Variants in CCDC18 observed in about 807,000 individuals in gnomAD.
CCDC18 encodes the protein coiled-coil domain-containing protein 18.
In CCDC18, 157 loss-of-function variants were observed where a neutral mutation model predicts 196.0. The ratio of observed to expected loss-of-function variants is 0.80; its 90% CI spans 0.70 to 0.91. The LOEUF (loss-of-function observed/expected upper bound fraction) is 0.91, where lower values mean the gene tolerates loss of function less well. CCDC18 is among the 40% of genes least tolerant of loss of function. The pLI is 0.00. For missense variants in CCDC18, 1,465 were observed against 1,611.6 expected, an observed-to-expected ratio of 0.91 and a Z score of 1.56; for synonymous variants, 482 against 529.2, an observed-to-expected ratio of 0.91 and a Z score of 1.22.
intron 6 of CCDC18, among the ~76,000 whole-genome samples, chr1:93,196,650 CA>C (rs1382091762): frequency 2.0e-5 from 3 of 152,094 alleles, no homozygotes; most frequent in African/African-American, 7.2e-5. Context: ...TGTTAAGTAA[CA>C]AAAAATTAAG....
chr1:93,265,084 G>A (rs528787131), intron 27 of CCDC18, 183 bp downstream of exon 27: 97 of 519,140 alleles, frequency 1.9e-4, no homozygotes, highest in South Asian at 1.5e-3. Flanking sequence ...TCTTATTACC[G>A]TAGAAGATAT....
intron 6 of CCDC18, among the ~76,000 whole-genome samples, chr1:93,199,546 T>G (rs1403134051): frequency 1.3e-5 from 2 of 152,210 alleles, no homozygotes; most frequent in East Asian, 3.8e-4. Context: ...TCTTCTCTCC[T>G]TCTCTTGTCT....
rs1488905280 is a variant in CCDC18, at chr1:93,227,965, A to ATATATATATATAT, written c.2292+1516_2292+1517insTATATATATATAT. Among the ~76,000 whole-genome samples the ATATATATATATAT allele has an allele frequency of 7.8e-5, 9 of 115,342 alleles. No homozygotes were observed. The East Asian group carries it at 2.1e-3, about 27-fold the overall frequency. The allele number at this position is 115,342 out of a possible 152,430, so 75.7% of individuals were successfully genotyped here. ...ACAGCGAGACCCTATCTCAAAAAAA[A>ATATATATATATAT]AAAAAAATATATATATATATATATT... On this transcript the variant is annotated intron_variant, in intron 17 of 28. Transcript: ENST00000690025.
upstream of CCDC18, chr1:93,180,085 GGCATGGGCTGGTAGAA>G: frequency 6.2e-7 from 1 of 1,613,632 alleles, no homozygotes; most frequent in Non-Finnish European, 8.5e-7. Flanking sequence ...GGCCTTCAGG[GGCATGGGCTGGTAGAA>G]GCACTCCTTC....
At chr1:93,267,631 T>A (rs1425014383) in intron 27 of CCDC18, among the ~76,000 whole-genome samples, 1 of 152,164 alleles carries the variant, frequency 6.6e-6, no homozygotes, top group Non-Finnish European at 1.5e-5. Context: ...ACAAGCATTC[T>A]TATACACCAA....
chr1:93,225,537 G>T (rs953149474), intron 16 of CCDC18, among the ~76,000 whole-genome samples: 2 of 152,126 alleles, frequency 1.3e-5, no homozygotes, highest in African/African-American at 4.8e-5. Flanking sequence ...AGCACTTTGG[G>T]AGGCCAAGGC....
At position 93,256,222 on chromosome 1, in the gene CCDC18, T is replaced by C. The variant is rs1264508077; in HGVS notation, c.3343-113T>C. ...GTTAAATTTTAACATACTCATTGTA[T>C]GTTAAAGGATTTAGTTGGAAGGTGG... On this transcript the variant is annotated intron_variant, in intron 24 of 28. Transcript: ENST00000690025. The C allele has an allele frequency of 9.7e-6, 8 of 825,546 alleles. No individual in the cohort carries two copies. The East Asian group carries it at 2.1e-4, about 22-fold the overall frequency. 51.1% of individuals were successfully genotyped at this position (825,546 alleles called of 1,614,324 possible). A position where few individuals can be genotyped will look rare whatever the true frequency, so the allele number is the denominator to read the frequency against.
chr1:93,223,298 C>T (rs1161473359), intron 16 of CCDC18, among the ~76,000 whole-genome samples: 1 of 152,100 alleles, frequency 6.6e-6, no homozygotes, highest in Non-Finnish European at 1.5e-5. Context: ...ACATCTTTAG[C>T]AGGTTTGCTG....
intron 28 of CCDC18, among the ~76,000 whole-genome samples, chr1:93,276,798 C>T (rs1665647001): frequency 6.6e-6 from 1 of 151,626 alleles, no homozygotes. Flanking sequence ...GGTGGGTTGC[C>T]CCTACACACC....
chr1:93,208,594 C>G (rs1425517264), intron 9 of CCDC18, among the ~76,000 whole-genome samples: 1 of 151,606 alleles, frequency 6.6e-6, no homozygotes, highest in Non-Finnish European at 1.5e-5. Flanking sequence ...CATGCCTGGC[C>G]CTAATTTACA....
chr1:93,186,215 C>G lies in CCDC18; in HGVS notation c.304-130C>G, dbSNP rs778532145. ...TTCCACATATCCTTGTCAATACTCA[C>G]TAAGTATTTTAACTCATTTTCTGAG... On this transcript the variant is annotated intron_variant, in intron 3 of 28. Coordinates refer to ENST00000690025, the MANE Select transcript of CCDC18 (RefSeq NM_001378204.1). 17 of 777,222 alleles carry G rather than the reference C, an allele frequency of 2.2e-5. 1 individual carries two copies. The highest frequency in any genetic ancestry group is 8.2e-5 in the South Asian group (5 of 61,172). The allele number at this position is 777,222 out of a possible 1,614,324, so 48.1% of individuals were successfully genotyped here.
intron 17 of CCDC18, among the ~76,000 whole-genome samples, chr1:93,229,700 G>A (rs1352129453): frequency 4.6e-5 from 7 of 152,050 alleles, no homozygotes; most frequent in Admixed American, 2.0e-4. Flanking sequence ...ATTCTTTTCC[G>A]GATGTTGAAA....
intron 4 of CCDC18, 39 bp from the exon 5 acceptor site, chr1:93,191,960 AT>A (rs1405849003): frequency 7.1e-7 from 1 of 1,414,462 alleles, no homozygotes; most frequent in Non-Finnish European, 9.9e-7. Flanking sequence ...AGGTTAATTT[AT>A]TTTCTGAAAG....
intron 9 of CCDC18, 33 bp downstream of exon 9, chr1:93,207,431 G>A: frequency 6.8e-7 from 1 of 1,463,908 alleles, no homozygotes; most frequent in Non-Finnish European, 9.2e-7. Context: ...TGGAAAAGAA[G>A]AATTTTACTA....
chr1:93,259,394 A>G lies in CCDC18; in HGVS notation c.3684+509A>G, dbSNP rs142513385. 2.4e-4 allele frequency among the ~76,000 whole-genome samples: 37 copies of G among 152,322 alleles called. No individual in the cohort carries two copies. In the East Asian group the frequency reaches 3.5e-3, roughly 14 times the overall value. On this transcript the variant is annotated intron_variant, in intron 26 of 28. Coordinates refer to ENST00000690025, the MANE Select transcript of CCDC18 (RefSeq NM_001378204.1). Reference sequence around the variant, plus strand: ...CAGCATGTCTTGAGCCTTCACAGAAATGGGCAGTATTATTGACTAGAATAG... The same window carrying G: ...CAGCATGTCTTGAGCCTTCACAGAAGTGGGCAGTATTATTGACTAGAATAG...
intron 7 of CCDC18, among the ~76,000 whole-genome samples, chr1:93,203,653 G>A (rs1227486930): frequency 1.3e-5 from 2 of 152,146 alleles, no homozygotes; most frequent in African/African-American, 2.4e-5. Flanking sequence ...AGTGCCAGAT[G>A]TTGCAAATTG....
intron 19 of CCDC18, among the ~76,000 whole-genome samples, chr1:93,237,179 G>T (rs1175402440): frequency 6.6e-6 from 1 of 152,156 alleles, no homozygotes; most frequent in Non-Finnish European, 1.5e-5. Flanking sequence ...TCAGATGTCT[G>T]TCACCCTCTC....
At chr1:93,184,235 AT>A in intron 3 of CCDC18, 89 bp downstream of exon 3, 1 of 545,496 alleles carries the variant, frequency 1.8e-6, no homozygotes, top group Non-Finnish European at 2.7e-6. Flanking sequence ...TTAAAATTAA[AT>A]TAAAGAAAAA....
At chr1:93,258,523 T>G (rs1200133678) in intron 25 of CCDC18, among the ~76,000 whole-genome samples, 1 of 152,188 alleles carries the variant, frequency 6.6e-6, no homozygotes, top group East Asian at 1.9e-4. Flanking sequence ...CATTGGTTAG[T>G]GAACATCTAT....
Sources: gnomAD v4.1 joint callset for allele counts (sites outside exome capture counted in the v4.1 genomes callset) on GRCh38, gnomAD v4.1.1 for gene constraint, MANE v1.5 for transcripts, NCBI Gene and HGNC (gene_info 2026-07-23, HGNC 2026-07-21) for gene names.